Variants in NUP107 observed in about 807,000 individuals in gnomAD.
NUP107 encodes the protein nucleoporin 107, also known as nuclear pore complex protein Nup107.
NUP107 carries 101 observed loss-of-function variants against 141.0 expected under a neutral mutation model. That is an observed-to-expected ratio of 0.72 (90% CI 0.61 to 0.84). NUP107 has a LOEUF of 0.84. NUP107 is among the 40% of genes least tolerant of loss of function. The pLI is 0.00. For synonymous variants in NUP107, 319 were observed against 363.9 expected (o/e 0.88, Z 1.41); for missense variants, 941 against 1,102.7 (o/e 0.85, Z 2.08).
At chr12:68,714,978 A>G (rs1257548744) in intron 11 of NUP107, among the ~76,000 whole-genome samples, 3 of 152,214 alleles carry the variant, frequency 2.0e-5, no homozygotes, top group African/African-American at 4.8e-5. Context: ...AATTCTATTT[A>G]AACTTGACCA....
Position 68,731,105 on chromosome 12 carries a change from T to C in NUP107, c.1735-5T>C. The C allele has an allele frequency of 6.4e-7, 1 of 1,552,896 alleles. No individual in the cohort carries two copies. The highest frequency in any genetic ancestry group is 8.7e-7 in the Non-Finnish European group (1 of 1,147,608). On this transcript the variant is annotated splice_polypyrimidine_tract_variant and splice_region_variant and intron_variant, in intron 20 of 27. Coordinates refer to ENST00000229179, the MANE Select transcript of NUP107 (RefSeq NM_020401.4). Reference sequence around the variant, plus strand: ...GACATACTTTGATCTTTTTCTATTTTTTAGCTTTTAATAAGAGAGAAACAT... The same window carrying C: ...GACATACTTTGATCTTTTTCTATTTCTTAGCTTTTAATAAGAGAGAAACAT...
At chr12:68,695,337 T>A (rs1592493105) in intron 5 of NUP107, among the ~76,000 whole-genome samples, 2 of 152,218 alleles carry the variant, frequency 1.3e-5, no homozygotes, top group Non-Finnish European at 2.9e-5. Flanking sequence ...CATAGCATGA[T>A]TCATAGTAGC....
chr12:68,690,743 C>T lies in NUP107; in HGVS notation c.300C>T (p.Ser100=), dbSNP rs1426574409. 1 of 1,613,948 alleles carries T rather than the reference C, an allele frequency of 6.2e-7. No homozygotes were observed. The highest frequency in any genetic ancestry group is 8.5e-7 in the Non-Finnish European group (1 of 1,179,932). Residue 100 remains serine (S), a synonymous_variant, in exon 4 of 28, where the codon TCC becomes TCT. Coordinates refer to ENST00000229179, the MANE Select transcript of NUP107 (RefSeq NM_020401.4). The stretch of plus-strand genomic sequence containing the variant: ...CTTCAGGGTTCTTTGGAAATCTCTC[C>T]ATGGTATGTAGAAAAATAGGGCTAA... ...TQSSGFFGNL[S]MVTNLDDSNW... is the part of the protein sequence containing the mutation.
At chr12:68,688,917 C>G in intron 1 of NUP107, 45 bp from the exon 2 acceptor site, 2 of 1,396,530 alleles carry the variant, frequency 1.4e-6, no homozygotes, top group Non-Finnish European at 1.0e-6. Context: ...TTTATAAATG[C>G]TATATTCTCG....
chr12:68,690,695 G>C lies in NUP107; in HGVS notation c.252G>C (p.Gly84=), dbSNP rs940992861. Residue 84 remains glycine, a synonymous_variant, in exon 4 of 28, where the codon GGG becomes GGC. Coordinates refer to ENST00000229179, the MANE Select transcript of NUP107 (RefSeq NM_020401.4). ...PDISCILGTG[G]KSPRLTQSSG... The stretch of plus-strand genomic sequence containing the variant: ...TTTCCTGCATTCTTGGAACAGGAGG[G>C]AAGTCGCCCCGACTTACGCAGTCTT... 25 of 1,614,018 alleles carry C rather than the reference G, an allele frequency of 1.5e-5. No homozygotes were observed. Among genetic ancestry groups the C allele is most frequent in the Non-Finnish European group, 1.9e-5 (23 of 1,180,004 alleles).
chr12:68,743,543 C>T lies in NUP107; in HGVS notation c.*1081C>T, dbSNP rs1878405055. 6.6e-6 allele frequency: 1 copy of T among 152,176 alleles called. No individual in the cohort carries two copies. Among genetic ancestry groups the T allele is most frequent in the East Asian group, 1.9e-4 (1 of 5,198 alleles). The allele number at this position is 152,176 out of a possible 1,614,324, so 9.4% of individuals were successfully genotyped here. On this transcript the variant is annotated 3_prime_UTR_variant, in exon 28 of 28. Transcript: ENST00000229179. The stretch of plus-strand genomic sequence containing the variant: ...AAAGAGTGACACAAGAAGGATGAGG[C>T]TCTATAGATTAAGAAATCAGTATGA...
intron 1 of NUP107, chr12:68,687,437 C>G: frequency 1.8e-6 from 2 of 1,082,476 alleles, no homozygotes; most frequent in Non-Finnish European, 2.2e-6. Context: ...GGGATCTCAG[C>G]CCAGACTTTC....
chr12:68,703,456 GT>G (rs1003215806), intron 8 of NUP107, among the ~76,000 whole-genome samples: 42 of 141,048 alleles, frequency 3.0e-4, no homozygotes, highest in East Asian at 4.1e-4. Context: ...GAGTTTGTTT[GT>G]TTTTTTTTTT....
intron 18 of NUP107, 151 bp downstream of exon 18, chr12:68,725,947 C>T (rs1365259352): frequency 1.8e-6 from 1 of 550,258 alleles, no homozygotes; most frequent in Non-Finnish European, 3.2e-6. Context: ...CAAGATCCTT[C>T]AGTCTCAGCC....
At chr12:68,710,759 A>G (rs1418083162) in intron 10 of NUP107, among the ~76,000 whole-genome samples, 1 of 152,196 alleles carries the variant, frequency 6.6e-6, no homozygotes, top group Non-Finnish European at 1.5e-5. Flanking sequence ...AGTTATTTGC[A>G]TAACATTTAC....
intron 18 of NUP107, 27 bp downstream of exon 18, chr12:68,725,823 T>C: frequency 8.3e-7 from 1 of 1,210,422 alleles, no homozygotes; most frequent in Non-Finnish European, 1.2e-6. Context: ...TTTTACTTTG[T>C]GTTTTTTGTG....
intron 8 of NUP107, chr12:68,706,871 AG>A (rs1301072754): frequency 6.6e-6 from 5 of 755,724 alleles, no homozygotes; most frequent in Admixed American, 5.2e-5. Context: ...GAAGACCACC[AG>A]CGGCTATTCA....
intron 11 of NUP107, chr12:68,714,312 T>C (rs1877005734): frequency 6.6e-6 from 1 of 152,200 alleles, no homozygotes; most frequent in African/African-American, 2.4e-5. Flanking sequence ...ACTTCTAGAA[T>C]TCCATTTAGT....
rs1368510672 is a variant in NUP107, at chr12:68,735,336, G to C, written c.2494G>C (p.Val832Leu). Residue 832 changes from valine (V) to leucine (L), a missense_variant, in exon 26 of 28, where the codon GTT (valine) becomes CTT (leucine). By Grantham distance (32) the Val-to-Leu change is conservative (BLOSUM62 1). Coordinates refer to ENST00000229179, the MANE Select transcript of NUP107 (RefSeq NM_020401.4). Reference protein sequence around the residue: ...LFVDGGWMVDVREDAKEDHER... With the variant: ...LFVDGGWMVDLREDAKEDHER... The stretch of plus-strand genomic sequence containing the variant: ...TGTTGATGGAGGGTGGATGGTGGAT[G>C]TTAGAGAGGTAAGCTGTGTGCATTG... 6.2e-7 allele frequency: 1 copy of C among 1,612,154 alleles called. No homozygotes were observed. The highest frequency in any genetic ancestry group is 8.5e-7 in the Non-Finnish European group (1 of 1,178,288).
In NUP107 at chr12:68,744,770, A is replaced by T. The variant is rs538813569; in HGVS notation, c.*2308A>T. The T allele has an allele frequency of 6.6e-6, 1 of 152,196 alleles. No individual in the cohort carries two copies. The highest frequency in any genetic ancestry group is 1.5e-5 in the Non-Finnish European group (1 of 68,050). The allele number at this position is 152,196 out of a possible 1,614,324, so 9.4% of individuals were successfully genotyped here. ...TTCAGTTGGAGCCCCAAGAGTGCCA[A>T]TGTGCTCCTCACAATTCCCAAATGC... On this transcript the variant is annotated 3_prime_UTR_variant, in exon 28 of 28. Transcript: ENST00000229179.
In NUP107 at chr12:68,696,931, AT is replaced by A; in HGVS notation, c.552+12del. 6.6e-7 allele frequency: 1 copy of A among 1,508,974 alleles called. No individual in the cohort carries two copies. The highest frequency in any genetic ancestry group is 1.8e-5 in the Admixed American group (1 of 54,808). The allele number at this position is 1,508,974 out of a possible 1,614,324, so 93.5% of individuals were successfully genotyped here. On this transcript the variant is annotated intron_variant, in intron 6 of 27. Coordinates refer to ENST00000229179, the MANE Select transcript of NUP107 (RefSeq NM_020401.4). The stretch of plus-strand genomic sequence containing the variant: ...ACATCTGTGGTAGTCAGGTAAGCTA[AT>A]TTCACTCCGTCGTTAGTCAAACTTC...
intron 24 of NUP107, among the ~76,000 whole-genome samples, chr12:68,733,894 T>G (rs1053781735): frequency 6.6e-6 from 1 of 152,218 alleles, no homozygotes; most frequent in Non-Finnish European, 1.5e-5. Flanking sequence ...TGTCTCAGCT[T>G]TAAATTTCTG....
chr12:68,721,720 A>G, intron 15 of NUP107, 121 bp from the exon 16 acceptor site: 2 of 981,290 alleles, frequency 2.0e-6, no homozygotes, highest in Non-Finnish European at 3.0e-6. Flanking sequence ...TTTTTTTAAA[A>G]TCTGCCGTGT....
In NUP107 at chr12:68,689,562, A is replaced by T; in HGVS notation, c.130A>T (p.Asn44Tyr). ...LQASQDENFG[N>Y]TTPRNQVIPR... ...GGCATCTCAAGATGAAAATTTTGGT[A>T]ATACTACACCAAGAAACCAGGTTAT... Residue 44 changes from asparagine to tyrosine, a missense_variant, in exon 3 of 28, where the codon AAT becomes TAT. Coordinates refer to ENST00000229179, the MANE Select transcript of NUP107 (RefSeq NM_020401.4). 1 of 1,611,966 alleles carries T rather than the reference A, an allele frequency of 6.2e-7. No homozygotes were observed.
Sources: gnomAD v4.1 joint callset for allele counts (sites outside exome capture counted in the v4.1 genomes callset) on GRCh38, gnomAD v4.1.1 for gene constraint, MANE v1.5 for transcripts, NCBI Gene and HGNC (gene_info 2026-07-23, HGNC 2026-07-21) for gene names.